Variants in LGALS9 observed in about 807,000 individuals in gnomAD.
LGALS9 encodes galectin 9.
A neutral mutation model predicts 35.9 loss-of-function variants in LGALS9; 26 were observed. That is an observed-to-expected ratio of 0.72 (90% CI 0.53 to 1.01). The LOEUF (loss-of-function observed/expected upper bound fraction) is 1.01. LGALS9 is among the 50% of genes least tolerant of loss of function. The pLI is 0.00. For synonymous variants in LGALS9, 149 were observed against 172.2 expected, an observed-to-expected ratio of 0.87 and a Z score of 1.06; for missense variants, 347 against 445.8, an observed-to-expected ratio of 0.78 and a Z score of 1.99.
intron 8 of LGALS9, among the ~76,000 whole-genome samples, 196 bp from the exon 9 acceptor site, chr17:27,646,834 T>G (rs1904986481): frequency 6.6e-6 from 1 of 152,184 alleles, no homozygotes; most frequent in African/African-American, 2.4e-5. Context: ...AGTCTTTTTG[T>G]GTTTGGCCAA....
chr17:27,647,713 T>C (rs1905052071), intron 10 of LGALS9, among the ~76,000 whole-genome samples: 1 of 152,098 alleles, frequency 6.6e-6, no homozygotes, highest in African/African-American at 2.4e-5. Context: ...AAGAAGGAGG[T>C]GTTATTCATT....
chr17:27,645,127 C>T (rs1216497416), intron 5 of LGALS9, 187 bp from the exon 6 acceptor site: 3 of 1,165,644 alleles, frequency 2.6e-6, no homozygotes, highest in Non-Finnish European at 3.7e-6. Context: ...CCCCAAAGCC[C>T]TGTACACCTG....
In LGALS9 at chr17:27,647,323, G is replaced by A. The variant is rs147965169; in HGVS notation, c.812G>A (p.Arg271His). Residue 271 changes from arginine (R) to histidine (H), a missense_variant, in exon 10 of 11, where the codon CGT (arginine) becomes CAT (histidine). Physicochemically the swap from Arg to His is conservative, Grantham distance 29. Transcript: ENST00000395473. ...CACATCGCCTTCCACCTGAACCCCC[G>A]TTTTGATGAGAATGCTGTGGTCCGC... is the stretch of plus-strand genomic sequence containing the variant. ...GNHIAFHLNP[R>H]FDENAVVRNT... 272 of 1,614,030 alleles carry A rather than the reference G, an allele frequency of 1.7e-4. 1 individual carries two copies. The highest frequency in any genetic ancestry group is 2.2e-4 in the Non-Finnish European group (259 of 1,180,038).
chr17:27,646,107 G>A (rs959216278), intron 7 of LGALS9, among the ~76,000 whole-genome samples, 196 bp downstream of exon 7: 35 of 152,262 alleles, frequency 2.3e-4, no homozygotes, highest in Admixed American at 8.5e-4. Flanking sequence ...AAGAAGCAGG[G>A]TTTATCCAGT....
At chr17:27,647,232 T>C (rs4239242) in intron 9 of LGALS9, 38 bp from the exon 10 acceptor site, 580,822 of 1,612,944 alleles carry the variant, frequency 0.36, 106,023 homozygotes, top group Middle Eastern at 0.43. Context: ...GGACTCAGAA[T>C]TCGGTGGATA....
chr17:27,639,741 T>A (rs1158780308), intron 2 of LGALS9, among the ~76,000 whole-genome samples: 1 of 151,846 alleles, frequency 6.6e-6, no homozygotes, highest in Non-Finnish European at 1.5e-5. Context: ...AGCTAATTAT[T>A]ATTATTATTA....
chr17:27,642,179 G>T lies in LGALS9; in HGVS notation c.334-59G>T. On this transcript the variant is annotated intron_variant, in intron 3 of 10. Coordinates refer to ENST00000395473, the MANE Select transcript of LGALS9 (RefSeq NM_009587.3). Reference sequence around the variant, plus strand: ...CTAGAAAGAGGGTCCAGGAGCTCAGGGGTGGTCCCCATCCCAGCCTGGGAT... The same window carrying T: ...CTAGAAAGAGGGTCCAGGAGCTCAGTGGTGGTCCCCATCCCAGCCTGGGAT... 3 of 1,576,732 alleles carry T rather than the reference G, an allele frequency of 1.9e-6. No individual in the cohort carries two copies. The South Asian group carries it at 3.4e-5, about 18-fold the overall frequency.
Position 27,640,665 on chromosome 17 carries a change from C to T in LGALS9, c.225C>T (p.Asn75=). ...RFEDGGYVVC[N]TRQNGSWGPE... ...AAGATGGAGGGTACGTGGTGTGCAA[C>T]ACGAGGCAGAACGGAAGCTGGGGGC... Residue 75 remains asparagine (N), a synonymous_variant, in exon 3 of 11, where the codon AAC becomes AAT. Coordinates refer to ENST00000395473, the MANE Select transcript of LGALS9 (RefSeq NM_009587.3). The T allele has an allele frequency of 6.2e-7, 1 of 1,614,234 alleles. No homozygotes were observed. The highest frequency in any genetic ancestry group is 8.5e-7 in the Non-Finnish European group (1 of 1,180,048).
In LGALS9 at chr17:27,645,862, C is replaced by T. The variant is rs767774171; in HGVS notation, c.578C>T (p.Thr193Ile). ...TGAGACCTGGTTTCTTTCTTCCAGA[C>T]CCAGACAGTCATCCACACAGTGCAG... Reference protein sequence around the residue: ...GVWPANPAPITQTVIHTVQSA... With the variant: ...GVWPANPAPIIQTVIHTVQSA... Residue 193 changes from threonine to isoleucine, a missense_variant and splice_region_variant, in exon 7 of 11, where the codon ACC becomes ATC. Coordinates refer to ENST00000395473, the MANE Select transcript of LGALS9 (RefSeq NM_009587.3). 1 of 1,603,782 alleles carries T rather than the reference C, an allele frequency of 6.2e-7. No individual in the cohort carries two copies. Among genetic ancestry groups the T allele is most frequent in the Non-Finnish European group, 8.5e-7 (1 of 1,173,632 alleles).
At position 27,640,744 on chromosome 17, in the gene LGALS9, T is replaced by C; in HGVS notation, c.304T>C (p.Cys102Arg). The change falls in exon 3 of 11, where the codon TGC (cysteine) becomes CGC (arginine). Residue 102 changes from cysteine (C) to arginine (R), a missense_variant. Cys to Arg is a radical substitution (Grantham distance 180). Transcript: ENST00000395473. ...CCAGAAGGGGATGCCCTTTGACCTCTGCTTCCTGGTGCAGAGCTCAGATTT... is the reference window on the plus strand; with the variant it reads ...CCAGAAGGGGATGCCCTTTGACCTCCGCTTCCTGGTGCAGAGCTCAGATTT... ...PFQKGMPFDLCFLVQSSDFKV... is the reference protein window; with the variant it reads ...PFQKGMPFDLRFLVQSSDFKV... 3 of 1,614,190 alleles carry C rather than the reference T, an allele frequency of 1.9e-6. No individual in the cohort carries two copies. The highest frequency in any genetic ancestry group is 2.5e-6 in the Non-Finnish European group (3 of 1,180,002).
chr17:27,646,987 C>T, intron 8 of LGALS9, 43 bp from the exon 9 acceptor site: 5 of 1,613,162 alleles, frequency 3.1e-6, no homozygotes, highest in Non-Finnish European at 4.2e-6. Context: ...GTACAATCTT[C>T]CCCTTCCGCG....
intron 4 of LGALS9, among the ~76,000 whole-genome samples, chr17:27,642,913 G>T (rs934420150): frequency 6.6e-6 from 1 of 152,162 alleles, no homozygotes; most frequent in African/African-American, 2.4e-5. Flanking sequence ...CATCTAAAAG[G>T]TCAGGAGAGT....
chr17:27,640,897 C>G, intron 3 of LGALS9, 124 bp downstream of exon 3: 1 of 1,425,328 alleles, frequency 7.0e-7, no homozygotes, highest in South Asian at 1.2e-5. Flanking sequence ...AGATAACACG[C>G]TCATTTCCTT....
intron 5 of LGALS9, chr17:27,643,929 C>T (rs1904726593): frequency 2.9e-6 from 1 of 349,412 alleles, no homozygotes; most frequent in African/African-American, 2.1e-5. Flanking sequence ...CCCCCTACAC[C>T]CAACCACTGC....
In LGALS9 at chr17:27,646,540, T is replaced by A; in HGVS notation, c.628-7T>A. On this transcript the variant is annotated splice_region_variant and splice_polypyrimidine_tract_variant and intron_variant, in intron 7 of 10. Coordinates refer to ENST00000395473, the MANE Select transcript of LGALS9 (RefSeq NM_009587.3). ...TCCCATTGAATTTCCTGGTTTCTTTTCAACAGACTCCCGCCATCCCACCTA... is the reference window on the plus strand; with the variant it reads ...TCCCATTGAATTTCCTGGTTTCTTTACAACAGACTCCCGCCATCCCACCTA... 6.2e-7 allele frequency: 1 copy of A among 1,612,046 alleles called. No homozygotes were observed.
At chr17:27,640,925 G>A in intron 3 of LGALS9, 152 bp downstream of exon 3, 1 of 1,232,656 alleles carries the variant, frequency 8.1e-7, no homozygotes, top group Non-Finnish European at 1.2e-6. Flanking sequence ...GTTACCCATG[G>A]CTGCCTAGTC....
chr17:27,638,991 C>T (rs2151292057), intron 2 of LGALS9, among the ~76,000 whole-genome samples: 1 of 152,314 alleles, frequency 6.6e-6, no homozygotes, highest in East Asian at 1.9e-4. Flanking sequence ...CAGAGGTGTG[C>T]AGCTCTCTCC....
chr17:27,646,641 G>A (rs1261011128), intron 8 of LGALS9, 53 bp downstream of exon 8: 11 of 1,612,588 alleles, frequency 6.8e-6, no homozygotes, highest in African/African-American at 1.3e-5. Flanking sequence ...GGCAGGCTGG[G>A]GGTGAAGGGC....
chr17:27,648,976 G>A lies in LGALS9; in HGVS notation c.1062G>A (p.Gln354=), dbSNP rs867765746. Residue 354 remains glutamine, a synonymous_variant, in exon 11 of 11, where the codon CAG becomes CAA. Transcript: ENST00000395473. Reference sequence around the variant, plus strand: ...GCGACATCCAGCTGACCCATGTGCAGACATAGGCGGCTTCCTGGCCCTGGG... The same window carrying A: ...GCGACATCCAGCTGACCCATGTGCAAACATAGGCGGCTTCCTGGCCCTGGG... ...VGGDIQLTHV[Q]T 1 of 1,613,958 alleles carries A rather than the reference G, an allele frequency of 6.2e-7. No homozygotes were observed. The highest frequency in any genetic ancestry group is 8.5e-7 in the Non-Finnish European group (1 of 1,179,850).
Sources: allele counts gnomAD v4.1 joint callset (sites outside exome capture counted in the v4.1 genomes callset), GRCh38; gene constraint gnomAD v4.1.1; transcripts MANE v1.5; gene names NCBI Gene and HGNC (gene_info 2026-07-23, HGNC 2026-07-21).